Variants in PXDNL observed in about 807,000 individuals in gnomAD.
PXDNL encodes peroxidasin like.
Under a neutral mutation model 150.8 loss-of-function variants are expected in PXDNL, and 145 were observed. The ratio of observed to expected loss-of-function variants is 0.96; its 90% confidence interval spans 0.84 to 1.10. The LOEUF is 1.10. PXDNL is among the 50% of genes least tolerant of loss of function. The probability of loss-of-function intolerance (pLI) is 0.00; values close to 1 mark genes in which losing one functional copy is unlikely to be tolerated. For synonymous variants in PXDNL, 757 were observed against 725.7 expected, an observed-to-expected ratio of 1.04 and a Z score of -0.69; for missense variants, 2,087 against 1,873.9, an observed-to-expected ratio of 1.11 and a Z score of -2.10.
intron 1 of PXDNL, among the ~76,000 whole-genome samples, chr8:51,682,384 G>A (rs1815768998): frequency 6.6e-6 from 1 of 152,198 alleles, no homozygotes; most frequent in Admixed American, 6.5e-5. Flanking sequence ...CTTACAGCAT[G>A]TCTTTTGCCT....
intron 2 of PXDNL, among the ~76,000 whole-genome samples, chr8:51,637,914 T>A (rs147080048): frequency 6.6e-6 from 1 of 151,914 alleles, no homozygotes; most frequent in African/African-American, 2.4e-5. Flanking sequence ...TTCACCAAAG[T>A]TGAAATGAAG....
intron 14 of PXDNL, among the ~76,000 whole-genome samples, chr8:51,415,238 G>A (rs1018631612): frequency 1.3e-5 from 2 of 152,190 alleles, no homozygotes; most frequent in African/African-American, 4.8e-5. Flanking sequence ...TTGTACAACA[G>A]TGGAAGTATG....
At chr8:51,461,433 T>C (rs770222614) in intron 8 of PXDNL, among the ~76,000 whole-genome samples, 38 of 152,036 alleles carry the variant, frequency 2.5e-4, no homozygotes, top group Admixed American at 1.7e-3. Flanking sequence ...AACCAGCAGA[T>C]GGAGTAAGCT....
chr8:51,467,168 G>C (rs145601618), intron 8 of PXDNL, among the ~76,000 whole-genome samples: 1 of 152,062 alleles, frequency 6.6e-6, no homozygotes, highest in African/African-American at 2.4e-5. Flanking sequence ...ACTGGATAAA[G>C]AAAATGTACT....
intron 4 of PXDNL, among the ~76,000 whole-genome samples, chr8:51,523,929 G>T (rs1811712654): frequency 6.6e-6 from 1 of 152,190 alleles, no homozygotes; most frequent in Non-Finnish European, 1.5e-5. Flanking sequence ...AAATCTCCAT[G>T]ATGTTTAAAG....
intron 7 of PXDNL, among the ~76,000 whole-genome samples, chr8:51,472,517 G>A (rs951543185): frequency 3.3e-5 from 5 of 152,110 alleles, no homozygotes; most frequent in African/African-American, 1.2e-4. Context: ...TGCACAAAGG[G>A]ATCTCCAATG....
chr8:51,374,860 T>C lies in PXDNL; in HGVS notation c.3558-129A>G, dbSNP rs6990005. ...AAGAAAAGTAGATATGATTACTGTA[T>C]TCTCATTTCATGGGGGAAAGCACTC... On this transcript the variant is annotated intron_variant, in intron 17 of 22. Transcript: ENST00000356297. 6.2e-3 allele frequency: 6,888 copies of C among 1,114,452 alleles called. 284 individuals are homozygous for C. In the African/African-American group the frequency reaches 0.096, roughly 15 times the overall value. The allele number at this position is 1,114,452 out of a possible 1,614,324, so 69.0% of individuals were successfully genotyped here.
chr8:51,639,465 T>A (rs2130773431), intron 2 of PXDNL, among the ~76,000 whole-genome samples: 1 of 151,640 alleles, frequency 6.6e-6, no homozygotes, highest in African/African-American at 2.4e-5. Flanking sequence ...GCAAGACTAA[T>A]AAAGAAGAAA....
chr8:51,607,564 G>A (rs1196698071), intron 2 of PXDNL, among the ~76,000 whole-genome samples: 1 of 152,000 alleles, frequency 6.6e-6, no homozygotes, highest in Non-Finnish European at 1.5e-5. Context: ...AGAGGGGCCG[G>A]GCACAGTGGC....
intron 4 of PXDNL, among the ~76,000 whole-genome samples, chr8:51,550,480 T>C (rs896720309): frequency 2.6e-5 from 4 of 151,956 alleles, no homozygotes; most frequent in Non-Finnish European, 5.9e-5. Context: ...AAAGATAATA[T>C]ACAATGATCA....
chr8:51,741,398 T>C (rs2130953481), intron 1 of PXDNL, among the ~76,000 whole-genome samples: 1 of 151,372 alleles, frequency 6.6e-6, no homozygotes, highest in East Asian at 2.0e-4. Flanking sequence ...ATTCTTCTTG[T>C]TGAATTGACC....
At chr8:51,522,127 T>A (rs1387881644) in intron 4 of PXDNL, among the ~76,000 whole-genome samples, 1 of 152,080 alleles carries the variant, frequency 6.6e-6, no homozygotes, top group African/African-American at 2.4e-5. Context: ...AAAATTCTAA[T>A]GAGAAAAGGA....
chr8:51,406,643 A>G (rs928541235), intron 17 of PXDNL, among the ~76,000 whole-genome samples: 14 of 152,024 alleles, frequency 9.2e-5, no homozygotes, highest in African/African-American at 3.4e-4. Flanking sequence ...AGCCTCTTAC[A>G]CTTAAACTTC....
At chr8:51,707,815 C>A (rs1816411810) in intron 1 of PXDNL, among the ~76,000 whole-genome samples, 1 of 152,134 alleles carries the variant, frequency 6.6e-6, no homozygotes, top group Non-Finnish European at 1.5e-5. Context: ...AACATAATAT[C>A]TTTCAGGTCA....
chr8:51,766,811 A>G (rs571042560), intron 1 of PXDNL, among the ~76,000 whole-genome samples: 15 of 152,132 alleles, frequency 9.9e-5, no homozygotes, highest in African/African-American at 3.1e-4. Context: ...AGTTTATCCT[A>G]CTTGGAGTTC....
chr8:51,643,023 C>G (rs1814808657), intron 2 of PXDNL, among the ~76,000 whole-genome samples: 1 of 152,170 alleles, frequency 6.6e-6, no homozygotes, highest in African/African-American at 2.4e-5. Context: ...CTACAAAACA[C>G]TGCTCAATGA....
chr8:51,349,751 C>T (rs1019611912), intron 19 of PXDNL, among the ~76,000 whole-genome samples: 1 of 152,170 alleles, frequency 6.6e-6, no homozygotes, highest in Non-Finnish European at 1.5e-5. Flanking sequence ...GTAGCTCAGG[C>T]AATCCTATGT....
At chr8:51,537,092 G>T (rs57775390) in intron 4 of PXDNL, among the ~76,000 whole-genome samples, 1 of 152,116 alleles carries the variant, frequency 6.6e-6, no homozygotes, top group South Asian at 2.1e-4. Flanking sequence ...GATAAGACTC[G>T]GATAGTATCT....
At chr8:51,357,616 T>C (rs930325452) in intron 19 of PXDNL, among the ~76,000 whole-genome samples, 1 of 152,182 alleles carries the variant, frequency 6.6e-6, no homozygotes, top group African/African-American at 2.4e-5. Flanking sequence ...AGTATAAATC[T>C]ATGTGTCAAA....
Sources: gnomAD v4.1 joint callset for allele counts (sites outside exome capture counted in the v4.1 genomes callset) on GRCh38, gnomAD v4.1.1 for gene constraint, MANE v1.5 for transcripts, NCBI Gene and HGNC (gene_info 2026-07-23, HGNC 2026-07-21) for gene names.